DNAJC13: variants seen among roughly 807,000 people sequenced by gnomAD.
DNAJC13 encodes dnaJ homolog subfamily C member 13.
DNAJC13 carries 75 observed loss-of-function variants against 290.5 expected under a neutral mutation model. The ratio of observed to expected loss-of-function variants is 0.26; its 90% confidence interval spans 0.21 to 0.31. The LOEUF is 0.31. DNAJC13 is among the 10% of genes least tolerant of loss of function. The probability of loss-of-function intolerance (pLI) is 1.00; values close to 1 mark genes in which losing one functional copy is unlikely to be tolerated. For synonymous variants in DNAJC13, 862 were observed against 892.0 expected, an observed-to-expected ratio of 0.97 and a Z score of 0.60; for missense variants, 2,260 against 2,674.5, an observed-to-expected ratio of 0.85 and a Z score of 3.42.
chr3:132,426,868 A>G (rs2107642204), intron 1 of DNAJC13, among the ~76,000 whole-genome samples: 1 of 152,140 alleles, frequency 6.6e-6, no homozygotes, highest in Middle Eastern at 3.4e-3. Context: ...ATTAGGTTGG[A>G]TACATGTAAG....
chr3:132,424,734 C>T (rs913025970), intron 1 of DNAJC13, among the ~76,000 whole-genome samples: 1 of 152,020 alleles, frequency 6.6e-6, no homozygotes, highest in Non-Finnish European at 1.5e-5. Flanking sequence ...CGACATCTAT[C>T]TCTGGAGGTA....
intron 2 of DNAJC13, among the ~76,000 whole-genome samples, chr3:132,440,025 A>C (rs964208177): frequency 9.9e-5 from 15 of 152,226 alleles, no homozygotes; most frequent in African/African-American, 3.6e-4. Context: ...TGGGAGGCCA[A>C]GGCTGGAGGA....
At chr3:132,483,276 T>C (rs1003107664) in intron 27 of DNAJC13, 99 bp from the exon 28 acceptor site, 2 of 1,084,428 alleles carry the variant, frequency 1.8e-6, no homozygotes, top group Admixed American at 4.5e-5. Context: ...CTTACATGTT[T>C]GTTTCATAAT....
intron 54 of DNAJC13, among the ~76,000 whole-genome samples, chr3:132,530,222 G>A (rs539541799): frequency 3.2e-4 from 48 of 151,996 alleles, no homozygotes; most frequent in African/African-American, 1.1e-3. Context: ...ATTATTTGAC[G>A]CTGTCTTCCC....
At chr3:132,432,178 A>AT (rs1433301073) in intron 1 of DNAJC13, among the ~76,000 whole-genome samples, 1 of 151,824 alleles carries the variant, frequency 6.6e-6, no homozygotes, top group Admixed American at 6.6e-5. Context: ...TTTTCTACAA[A>AT]TTTTTTTGTT....
chr3:132,447,328 A>G lies in DNAJC13; in HGVS notation c.152A>G (p.Tyr51Cys), dbSNP rs755037188. 36 of 1,568,452 alleles carry G rather than the reference A, an allele frequency of 2.3e-5. No homozygotes were observed. The highest frequency in any genetic ancestry group is 1.7e-6 in the Non-Finnish European group (2 of 1,164,852). ...AATTTTTTTTTTTTTAAGTGGCCTT[A>G]TGGAGACATTTGCAGCATCAGCCCT... ...NTLEVTNQWP[Y>C]GDICSISPVG... Residue 51 changes from tyrosine (Y) to cysteine (C), a missense_variant, in exon 4 of 56, where the codon TAT becomes TGT. This residue lies in a region of DNAJC13 where 762 missense variants were observed against 964.1 expected (regional missense o/e 0.79). Transcript: ENST00000260818.
chr3:132,427,416 C>T (rs973157982), intron 1 of DNAJC13, among the ~76,000 whole-genome samples: 6 of 152,112 alleles, frequency 3.9e-5, no homozygotes, highest in East Asian at 1.9e-4. Context: ...GGACTACAGG[C>T]GTGAGCCATC....
At chr3:132,490,392 C>A (rs909492150) in intron 31 of DNAJC13, among the ~76,000 whole-genome samples, 2 of 152,136 alleles carry the variant, frequency 1.3e-5, no homozygotes, top group Non-Finnish European at 2.9e-5. Flanking sequence ...ATATGGACTT[C>A]GCAAAGCAGT....
intron 2 of DNAJC13, among the ~76,000 whole-genome samples, chr3:132,440,292 G>A (rs982465473): frequency 6.6e-6 from 1 of 152,140 alleles, no homozygotes; most frequent in East Asian, 1.9e-4. Flanking sequence ...AAACATAAAT[G>A]TACTAATTAT....
At position 132,525,672 on chromosome 3, in the gene DNAJC13, G is replaced by A. The variant is rs903867092; in HGVS notation, c.6123G>A (p.Leu2041=). 2.5e-6 allele frequency: 4 copies of A among 1,614,042 alleles called. No individual in the cohort carries two copies. In the Admixed American group the frequency reaches 5.0e-5, roughly 20 times the overall value. Residue 2041 remains leucine (L), a synonymous_variant, in exon 52 of 56, where the codon CTG becomes CTA. Coordinates refer to ENST00000260818, the MANE Select transcript of DNAJC13 (RefSeq NM_015268.4). Reference sequence around the variant, plus strand: ...GTCTCTTCAGCGCACAACCTCAGCTGGCAGATCAGGTCCCGCCATTGGGCC... The same window carrying A: ...GTCTCTTCAGCGCACAACCTCAGCTAGCAGATCAGGTCCCGCCATTGGGCC... The part of the protein sequence containing the change: ...TVCLFSAQPQ[L]ADQVPPLGHL...
chr3:132,493,168 C>T (rs891439005), intron 33 of DNAJC13, among the ~76,000 whole-genome samples: 2 of 149,232 alleles, frequency 1.3e-5, no homozygotes, highest in East Asian at 2.0e-4. Context: ...GCAATGAGTG[C>T]GACCTGCTCA....
intron 45 of DNAJC13, 66 bp from the exon 46 acceptor site, chr3:132,514,505 G>T (rs1301749597): frequency 1.3e-5 from 15 of 1,134,986 alleles, no homozygotes; most frequent in South Asian, 2.8e-5. Flanking sequence ...CAGTCTATAT[G>T]ACCTAATTTG....
chr3:132,457,185 A>G, intron 12 of DNAJC13, 84 bp from the exon 13 acceptor site: 2 of 960,404 alleles, frequency 2.1e-6, no homozygotes, highest in Non-Finnish European at 3.0e-6. Context: ...AGTGCAATGG[A>G]AAGTTAATAT....
chr3:132,488,552 AT>A, intron 30 of DNAJC13, 100 bp downstream of exon 30: 1 of 1,211,906 alleles, frequency 8.3e-7, no homozygotes, highest in Non-Finnish European at 1.1e-6. Flanking sequence ...TTTTATTAAA[AT>A]TATAATTGTA....
chr3:132,489,111 A>G lies in DNAJC13; in HGVS notation c.3468+90A>G. 3 of 1,003,454 alleles carry G rather than the reference A, an allele frequency of 3.0e-6. No homozygotes were observed. In the East Asian group the frequency reaches 7.3e-5, roughly 24 times the overall value. The allele number at this position is 1,003,454 out of a possible 1,614,324, so 62.2% of individuals were successfully genotyped here. On this transcript the variant is annotated intron_variant, in intron 31 of 55. Coordinates refer to ENST00000260818, the MANE Select transcript of DNAJC13 (RefSeq NM_015268.4). ...CTGAGCTGTGTATTATGTTTACTAG[A>G]TTATAAGTACTTGAGGGTAGGTATT...
intron 1 of DNAJC13, among the ~76,000 whole-genome samples, chr3:132,418,216 C>T (rs1227607433): frequency 6.6e-6 from 1 of 152,128 alleles, no homozygotes; most frequent in Non-Finnish European, 1.5e-5. Flanking sequence ...TGCTTTGTTT[C>T]GTTTTGTTAG....
At chr3:132,425,241 G>T (rs1347444866) in intron 1 of DNAJC13, among the ~76,000 whole-genome samples, 1 of 152,074 alleles carries the variant, frequency 6.6e-6, no homozygotes, top group Non-Finnish European at 1.5e-5. Flanking sequence ...GTAAGATATA[G>T]CTGTAGGAAG....
rs756233050 is a variant in DNAJC13 at position 132,500,831 on chromosome 3, C to T, written c.4454C>T (p.Ala1485Val). Residue 1485 changes from alanine to valine, a missense_variant, in exon 39 of 56, where the codon GCT becomes GTT. Physicochemically the swap from Ala to Val is moderately conservative, Grantham distance 64 (BLOSUM62 0). This residue lies in a region of DNAJC13 where 1,494 missense variants were observed against 1,693.7 expected (regional missense o/e 0.88). Coordinates refer to ENST00000260818, the MANE Select transcript of DNAJC13 (RefSeq NM_015268.4). Reference sequence around the variant, plus strand: ...ATAAGTAAATGCTACAGTGTGGCTGCTCAGTTTGAGGAATGCCGAGAGAAG... The same window carrying T: ...ATAAGTAAATGCTACAGTGTGGCTGTTCAGTTTGAGGAATGCCGAGAGAAG... ...GYISKCYSVAAQFEECREKIT... is the reference protein window; with the variant it reads ...GYISKCYSVAVQFEECREKIT... 9 of 1,613,858 alleles carry T rather than the reference C, an allele frequency of 5.6e-6. No individual in the cohort carries two copies. Among genetic ancestry groups the T allele is most frequent in the Non-Finnish European group, 7.6e-6 (9 of 1,179,952 alleles).
chr3:132,488,894 A>G (rs1364889951), intron 30 of DNAJC13, 82 bp from the exon 31 acceptor site: 8 of 1,018,238 alleles, frequency 7.9e-6, no homozygotes, highest in Non-Finnish European at 1.2e-5. Context: ...TTTAGCTATA[A>G]AAGATCTAGT....
Sources: gnomAD v4.1 joint callset for allele counts (sites outside exome capture counted in the v4.1 genomes callset) on GRCh38, gnomAD v4.1.1 for gene constraint, gnomAD v4.1.1 regional missense constraint, MANE v1.5 for transcripts, NCBI Gene and HGNC (gene_info 2026-07-23, HGNC 2026-07-21) for gene names.